Variants in KCNH1 observed in about 807,000 individuals in gnomAD.
The protein encoded by KCNH1 is voltage-gated delayed rectifier potassium channel KCNH1.
KCNH1 carries 27 observed loss-of-function variants against 69.2 expected under a neutral mutation model. The ratio of observed to expected loss-of-function variants is 0.39; its 90% CI spans 0.29 to 0.54. The LOEUF (loss-of-function observed/expected upper bound fraction) is 0.54, where lower values mean the gene tolerates loss of function less well. KCNH1 is among the 20% of genes least tolerant of loss of function. KCNH1 has a pLI of 0.68. For synonymous variants in KCNH1, 456 were observed against 487.7 expected, an observed-to-expected ratio of 0.93 and a Z score of 0.86; for missense variants, 798 against 1,261.6, an observed-to-expected ratio of 0.63 and a Z score of 5.57.
intron 9 of KCNH1, 24 bp from the exon 10 acceptor site, chr1:210,775,568 G>T (rs750066965): frequency 6.3e-7 from 1 of 1,597,592 alleles, no homozygotes; most frequent in Non-Finnish European, 8.6e-7. Context: ...GTTGTCATGA[G>T]GAAAGTGTTG....
At chr1:210,968,153 T>A (rs1197871693) in intron 6 of KCNH1, among the ~76,000 whole-genome samples, 4 of 148,530 alleles carry the variant, frequency 2.7e-5, no homozygotes, top group Non-Finnish European at 6.0e-5. Context: ...TTACTGAGAA[T>A]GATGATTTCC....
intron 5 of KCNH1, among the ~76,000 whole-genome samples, chr1:211,032,776 G>C (rs1486793078): frequency 1.3e-5 from 2 of 152,188 alleles, no homozygotes; most frequent in African/African-American, 4.8e-5. Context: ...ATGGATTAAA[G>C]ACTTAAATAT....
At chr1:210,808,706 T>C (rs984364441) in intron 7 of KCNH1, among the ~76,000 whole-genome samples, 2 of 152,134 alleles carry the variant, frequency 1.3e-5, no homozygotes, top group Non-Finnish European at 1.5e-5. Flanking sequence ...CCTAATTTTA[T>C]ATGAAGGGGG....
intron 7 of KCNH1, among the ~76,000 whole-genome samples, chr1:210,886,777 A>C (rs1558511507): frequency 6.6e-6 from 1 of 152,106 alleles, no homozygotes; most frequent in Non-Finnish European, 1.5e-5. Context: ...TGAATCGATC[A>C]AGCGGAAGAA....
chr1:210,952,099 G>A (rs1405259872), intron 6 of KCNH1, among the ~76,000 whole-genome samples: 2 of 152,072 alleles, frequency 1.3e-5, no homozygotes, highest in Non-Finnish European at 2.9e-5. Context: ...CTGAGCACTT[G>A]GTCTTCCTCT....
At chr1:211,125,415 T>C (rs745817116) in intron 1 of KCNH1, among the ~76,000 whole-genome samples, 3 of 152,196 alleles carry the variant, frequency 2.0e-5, no homozygotes, top group South Asian at 2.1e-4. Flanking sequence ...GCAGTCCCCA[T>C]AATGCTGAGA....
intron 7 of KCNH1, among the ~76,000 whole-genome samples, chr1:210,914,559 C>T (rs913031569): frequency 7.9e-5 from 12 of 152,022 alleles, no homozygotes; most frequent in Admixed American, 2.6e-4. Flanking sequence ...CAGCAGTGAA[C>T]GTAAGTACTG....
At chr1:210,900,915 AC>A (rs1686981703) in intron 7 of KCNH1, among the ~76,000 whole-genome samples, 1 of 152,062 alleles carries the variant, frequency 6.6e-6, no homozygotes, top group Non-Finnish European at 1.5e-5. Context: ...AGCTCACATT[AC>A]CCTAGCAAAA....
intron 6 of KCNH1, among the ~76,000 whole-genome samples, chr1:210,951,162 C>T (rs1688056211): frequency 6.6e-6 from 1 of 152,108 alleles, no homozygotes; most frequent in South Asian, 2.1e-4. Context: ...ATCCAAGAAC[C>T]AGGGTGGACA....
chr1:210,873,892 G>A (rs1397725353), intron 7 of KCNH1, among the ~76,000 whole-genome samples: 1 of 152,094 alleles, frequency 6.6e-6, no homozygotes, highest in Non-Finnish European at 1.5e-5. Flanking sequence ...ATTCAGTTAA[G>A]TGGAATTGAG....
intron 10 of KCNH1, among the ~76,000 whole-genome samples, chr1:210,708,682 C>T (rs1181996077): frequency 6.6e-6 from 1 of 152,022 alleles, no homozygotes; most frequent in South Asian, 2.1e-4. Flanking sequence ...AGCCTGCAGT[C>T]GGAAATAACT....
intron 9 of KCNH1, among the ~76,000 whole-genome samples, chr1:210,789,892 G>A (rs974547694): frequency 6.6e-6 from 1 of 152,150 alleles, no homozygotes. Context: ...ATTGTGAATG[G>A]CTATACTCCC....
chr1:210,869,502 T>TGTGG (rs1455557227), intron 7 of KCNH1, among the ~76,000 whole-genome samples: 1 of 144,094 alleles, frequency 6.9e-6, no homozygotes, highest in Non-Finnish European at 1.5e-5. Flanking sequence ...TGTGTGTGTG[T>TGTGG]GTGTGTGTGT....
intron 6 of KCNH1, among the ~76,000 whole-genome samples, chr1:210,936,220 T>A (rs540082691): frequency 6.6e-6 from 1 of 152,198 alleles, no homozygotes; most frequent in African/African-American, 2.4e-5. Context: ...CCCGTATTAC[T>A]CATCACTACT....
intron 7 of KCNH1, among the ~76,000 whole-genome samples, chr1:210,846,931 A>G (rs1685564351): frequency 6.6e-6 from 1 of 152,238 alleles, no homozygotes; most frequent in Non-Finnish European, 1.5e-5. Flanking sequence ...ACATGAACAG[A>G]CACTTCTCAA....
At chr1:210,760,635 T>C (rs561541042) in intron 10 of KCNH1, among the ~76,000 whole-genome samples, 1 of 152,252 alleles carries the variant, frequency 6.6e-6, no homozygotes, top group South Asian at 2.1e-4. Context: ...AAAGAAAAAG[T>C]TTTAATGGAC....
Position 210,738,552 on chromosome 1 carries a change from C to CTTTTTTTTTTTT in KCNH1, c.2112+36784_2112+36795dup, listed in dbSNP as rs57669878. Among the ~76,000 whole-genome samples the CTTTTTTTTTTTT allele has an allele frequency of 2.6e-4, 13 of 49,150 alleles. 2 individuals carry two copies. Among genetic ancestry groups the CTTTTTTTTTTTT allele is most frequent in the East Asian group, 2.5e-3 (4 of 1,610 alleles). The allele number at this position is 49,150 out of a possible 152,430, so 32.2% of individuals were successfully genotyped here. A position where few individuals can be genotyped will look rare whatever the true frequency, so the allele number is the denominator to read the frequency against. ...CTGTATTCCTGGCTTGGCTTTTTTG[C>CTTTTTTTTTTTT]TTTTTTTTTTTTTTTTTTTTTTTTT... On this transcript the variant is annotated intron_variant, in intron 10 of 10. Transcript: ENST00000271751.
chr1:210,695,040 A>G (rs781705017), intron 10 of KCNH1, among the ~76,000 whole-genome samples: 2 of 152,230 alleles, frequency 1.3e-5, no homozygotes, highest in Non-Finnish European at 2.9e-5. Context: ...TTCTCCTTGG[A>G]GTCTGGATGG....
At chr1:210,959,676 A>T (rs1053157595) in intron 6 of KCNH1, among the ~76,000 whole-genome samples, 1 of 152,240 alleles carries the variant, frequency 6.6e-6, no homozygotes, top group African/African-American at 2.4e-5. Context: ...CTGCACTAGC[A>T]GTGAGCAAGG....
Sources: gnomAD v4.1 joint callset for allele counts (sites outside exome capture counted in the v4.1 genomes callset) on GRCh38, gnomAD v4.1.1 for gene constraint, MANE v1.5 for transcripts, NCBI Gene and HGNC (gene_info 2026-07-23, HGNC 2026-07-21) for gene names.